Variants in TPTE observed in about 807,000 individuals in gnomAD.
TPTE encodes the protein putative tyrosine-protein phosphatase TPTE.
TPTE carries 59 observed loss-of-function variants against 84.1 expected under a neutral mutation model. The ratio of observed to expected loss-of-function variants is 0.70; its 90% CI spans 0.57 to 0.87. The LOEUF is 0.87. TPTE is among the 40% of genes least tolerant of loss of function. TPTE has a pLI of 0.00. For missense variants in TPTE, 382 were observed against 659.6 expected (o/e 0.58, Z 4.61); for synonymous variants, 130 against 223.5 (o/e 0.58, Z 3.73).
intron 17 of TPTE, among the ~76,000 whole-genome samples, chr21:10,588,573 T>G (rs1412257584): frequency 1.3e-5 from 2 of 152,310 alleles, no homozygotes; most frequent in Non-Finnish European, 2.9e-5. Context: ...ATTCAAGAAA[T>G]TTTCTCGAAT....
At chr21:10,543,482 TAC>T (rs1192320970) in intron 7 of TPTE, 100 bp downstream of exon 7, 1 of 1,596,046 alleles carries the variant, frequency 6.3e-7, no homozygotes, top group Non-Finnish European at 8.6e-7. Flanking sequence ...TCTTCATCCA[TAC>T]ACACTTTTGT....
intron 20 of TPTE, among the ~76,000 whole-genome samples, chr21:10,597,412 C>CTTTTTTTTTT (rs146272836): frequency 5.0e-5 from 7 of 139,924 alleles, no homozygotes; most frequent in African/African-American, 1.3e-4. Context: ...TTTCTTTTTT[C>CTTTTTTTTTT]TTTTTTTTTT....
intron 6 of TPTE, among the ~76,000 whole-genome samples, chr21:10,543,014 C>CTTTTT (rs1051322060): frequency 1.4e-4 from 10 of 72,274 alleles, no homozygotes; most frequent in South Asian, 1.1e-3. Flanking sequence ...TGACTGTATT[C>CTTTTT]TTTTTTTTTT....
intron 14 of TPTE, among the ~76,000 whole-genome samples, chr21:10,577,011 C>G (rs1243787445): frequency 2.6e-5 from 4 of 152,310 alleles, no homozygotes. Context: ...CACATACACA[C>G]AATCATACTA....
At chr21:10,559,033 G>A (rs912363051) in intron 8 of TPTE, among the ~76,000 whole-genome samples, 4 of 152,312 alleles carry the variant, frequency 2.6e-5, no homozygotes, top group Admixed American at 2.6e-4. Context: ...AGTTCGAGGA[G>A]ATGACAAGAG....
chr21:10,556,558 A>G (rs897941730), intron 8 of TPTE, among the ~76,000 whole-genome samples: 3 of 152,304 alleles, frequency 2.0e-5, no homozygotes, highest in African/African-American at 7.2e-5. Context: ...GTATATACCC[A>G]GTAATAGGAT....
intron 11 of TPTE, among the ~76,000 whole-genome samples, chr21:10,568,902 C>G (rs2074981520): frequency 6.6e-6 from 1 of 152,310 alleles, no homozygotes; most frequent in African/African-American, 2.4e-5. Flanking sequence ...GAGATTCCAG[C>G]TAGCACACTT....
At chr21:10,548,948 A>G (rs867250797) in intron 7 of TPTE, among the ~76,000 whole-genome samples, 2,110 of 151,502 alleles carry the variant, frequency 0.014, no homozygotes, top group African/African-American at 0.049. Flanking sequence ...TGATGGCACC[A>G]TGGCCAGCGG....
intron 8 of TPTE, among the ~76,000 whole-genome samples, chr21:10,556,812 A>C (rs2074693090): frequency 6.6e-6 from 1 of 152,308 alleles, no homozygotes; most frequent in South Asian, 2.1e-4. Flanking sequence ...GCATTTTTTC[A>C]TGTGTCTGTT....
chr21:10,538,248 T>G (rs1369334261), intron 3 of TPTE, among the ~76,000 whole-genome samples: 1 of 152,426 alleles, frequency 6.6e-6, no homozygotes, highest in Middle Eastern at 3.4e-3. Flanking sequence ...CATATTGGAT[T>G]GTGTGCTTGA....
At chr21:10,565,984 C>G (rs1435605961) in intron 10 of TPTE, among the ~76,000 whole-genome samples, 1 of 152,310 alleles carries the variant, frequency 6.6e-6, no homozygotes, top group Non-Finnish European at 1.5e-5. Flanking sequence ...CAAGCACAGG[C>G]TACCAAAGCA....
intron 7 of TPTE, among the ~76,000 whole-genome samples, chr21:10,543,809 AG>A (rs2074415745): frequency 6.6e-6 from 1 of 152,308 alleles, no homozygotes; most frequent in Non-Finnish European, 1.5e-5. Flanking sequence ...GTTCCAAGAA[AG>A]GAGAGAATCC....
intron 14 of TPTE, among the ~76,000 whole-genome samples, chr21:10,577,104 TAAATA>T (rs1201538863): frequency 6.6e-6 from 1 of 152,274 alleles, no homozygotes; most frequent in Non-Finnish European, 1.5e-5. Flanking sequence ...TATTCAGAAT[TAAATA>T]AGAACGAATA....
intron 21 of TPTE, among the ~76,000 whole-genome samples, chr21:10,599,007 TA>T (rs2075641223): frequency 6.6e-6 from 1 of 152,308 alleles, no homozygotes; most frequent in South Asian, 2.1e-4. Flanking sequence ...CATTTACTCA[TA>T]ACAACTCATA....
At chr21:10,605,131 T>C (rs549100613) in intron 23 of TPTE, among the ~76,000 whole-genome samples, 9 of 152,424 alleles carry the variant, frequency 5.9e-5, no homozygotes, top group African/African-American at 2.2e-4. Flanking sequence ...CTGATTTCTG[T>C]CACAGAGAGA....
At chr21:10,572,450 C>CAA (rs58796102) in intron 14 of TPTE, among the ~76,000 whole-genome samples, 233 of 131,784 alleles carry the variant, frequency 1.8e-3, no homozygotes, top group Non-Finnish European at 2.6e-3. Context: ...AGACTGTATC[C>CAA]AAAAAAAAAA....
chr21:10,572,209 G>A (rs1426305697), intron 14 of TPTE, among the ~76,000 whole-genome samples: 3 of 152,302 alleles, frequency 2.0e-5, no homozygotes, highest in African/African-American at 7.2e-5. Context: ...CAGCACTTTG[G>A]GAGGCTGAGG....
At chr21:10,555,309 C>A (rs572350503) in intron 8 of TPTE, among the ~76,000 whole-genome samples, 1 of 152,304 alleles carries the variant, frequency 6.6e-6, no homozygotes, top group African/African-American at 2.4e-5. Context: ...CAGGTTCAAG[C>A]GATTCTCCTG....
rs1186444618 is a variant in TPTE at position 10,597,851 on chromosome 21, C to T, written c.1277-164C>T. ...TAGGAGACAGAACTGGGCTTGAAGGCTTGTCTTTCAAAGACAAAATCCATG... is the reference window on the plus strand; with the variant it reads ...TAGGAGACAGAACTGGGCTTGAAGGTTTGTCTTTCAAAGACAAAATCCATG... On this transcript the variant is annotated intron_variant, in intron 20 of 23. Transcript: ENST00000618007. Among the ~76,000 whole-genome samples, 30 of 152,358 alleles carry T rather than the reference C, an allele frequency of 2.0e-4. No homozygotes were observed. The South Asian group carries it at 6.3e-3, about 32-fold the overall frequency.
Sources: gnomAD v4.1 joint callset for allele counts (sites outside exome capture counted in the v4.1 genomes callset) on GRCh38, gnomAD v4.1.1 for gene constraint, MANE v1.5 for transcripts, NCBI Gene and HGNC (gene_info 2026-07-23, HGNC 2026-07-21) for gene names.